The following DLGAP1 variants were observed in gnomAD, a reference collection of about 807,000 sequenced individuals.
DLGAP1 encodes disks large-associated protein 1.
Under a neutral mutation model 90.8 loss-of-function variants are expected in DLGAP1, and 11 were observed. The ratio of observed to expected loss-of-function variants is 0.12; its 90% confidence interval spans 0.08 to 0.20. The LOEUF is 0.20. Among genes scored for constraint, DLGAP1 ranks in the 10% least tolerant of loss-of-function variants. The pLI is 1.00. For missense variants in DLGAP1, 1,050 were observed against 1,333.8 expected, an observed-to-expected ratio of 0.79 and a Z score of 3.31; for synonymous variants, 558 against 540.7, an observed-to-expected ratio of 1.03 and a Z score of -0.44.
chr18:3,674,296 A>AAAAATATATATATATATATAT (rs755076240), intron 7 of DLGAP1, among the ~76,000 whole-genome samples: 45 of 128,978 alleles, frequency 3.5e-4, no homozygotes, highest in African/African-American at 1.5e-3. Context: ...ATAATATTAA[A>AAAAATATATATATATATATAT]ATATATATAT....
At chr18:4,346,888 A>C (rs1313533331) in intron 1 of DLGAP1, among the ~76,000 whole-genome samples, 1 of 152,180 alleles carries the variant, frequency 6.6e-6, no homozygotes, top group Non-Finnish European at 1.5e-5. Context: ...GAGAATCAGA[A>C]AACAGTAACT....
intron 7 of DLGAP1, among the ~76,000 whole-genome samples, chr18:3,713,617 A>C (rs1421386157): frequency 6.6e-6 from 1 of 152,222 alleles, no homozygotes; most frequent in Non-Finnish European, 1.5e-5. Context: ...ACATTGATGA[A>C]TTATGCCTTT....
At chr18:4,181,450 C>T (rs1024814370) in intron 1 of DLGAP1, among the ~76,000 whole-genome samples, 1 of 152,038 alleles carries the variant, frequency 6.6e-6, no homozygotes, top group African/African-American at 2.4e-5. Context: ...ATATATACTG[C>T]GGCAGTATAA....
intron 4 of DLGAP1, among the ~76,000 whole-genome samples, chr18:3,844,765 A>G (rs536641087): frequency 6.6e-6 from 1 of 152,326 alleles, no homozygotes; most frequent in South Asian, 2.1e-4. Flanking sequence ...CTCTAGAATA[A>G]CATGTACTTA....
rs1005867789 is a variant in DLGAP1, at chr18:3,580,126, A to G, written c.1965+1749T>C. 6 of 1,102,700 alleles carry G rather than the reference A, an allele frequency of 5.4e-6. No individual in the cohort carries two copies. In the African/African-American group the frequency reaches 9.2e-5, roughly 17 times the overall value. 68.3% of individuals were successfully genotyped at this position (1,102,700 alleles called of 1,614,324 possible). On this transcript the variant is annotated intron_variant, in intron 8 of 12. Transcript: ENST00000315677. ...GAGTCACACATTCAATTTAGAGAAC[A>G]AAAATAATAGCTGCTAATAATGTCT... is the stretch of plus-strand genomic sequence containing the variant.
In DLGAP1 at chr18:3,990,598, C is replaced by T. The variant is rs376038030; in HGVS notation, c.-73+14518G>A. 3.5e-4 allele frequency among the ~76,000 whole-genome samples: 52 copies of T among 148,890 alleles called. No individual in the cohort carries two copies. In the East Asian group the frequency reaches 6.9e-3, roughly 20 times the overall value. ...TGTATACATATGTAACAAACCTGCACGTTGTGCACATGTACCCTAAAACTT... is the reference window on the plus strand; with the variant it reads ...TGTATACATATGTAACAAACCTGCATGTTGTGCACATGTACCCTAAAACTT... On this transcript the variant is annotated intron_variant, in intron 3 of 12. Coordinates refer to ENST00000315677, the MANE Select transcript of DLGAP1 (RefSeq NM_004746.4).
chr18:4,196,434 A>G (rs1393031187), intron 1 of DLGAP1, among the ~76,000 whole-genome samples: 1 of 152,244 alleles, frequency 6.6e-6, no homozygotes, highest in Non-Finnish European at 1.5e-5. Flanking sequence ...AGTTTCACAC[A>G]GTATTCATGT....
intron 1 of DLGAP1, among the ~76,000 whole-genome samples, chr18:4,194,164 T>A (rs1466264358): frequency 6.6e-6 from 1 of 152,074 alleles, no homozygotes; most frequent in Non-Finnish European, 1.5e-5. Context: ...CCCATTCCCT[T>A]CCGCACCAGT....
At chr18:3,509,560 T>A (rs996198617) in intron 10 of DLGAP1, among the ~76,000 whole-genome samples, 2 of 152,128 alleles carry the variant, frequency 1.3e-5, no homozygotes, top group African/African-American at 4.8e-5. Flanking sequence ...CTTAACATGC[T>A]CTCATGGTCG....
intron 9 of DLGAP1, among the ~76,000 whole-genome samples, chr18:3,567,073 AT>A (rs2054475999): frequency 6.8e-6 from 1 of 147,826 alleles, no homozygotes; most frequent in African/African-American, 2.5e-5. Context: ...TTCATTCATC[AT>A]TCATTCATTC....
chr18:3,651,014 C>T (rs543202206), intron 7 of DLGAP1, among the ~76,000 whole-genome samples: 12 of 150,960 alleles, frequency 7.9e-5, no homozygotes, highest in Non-Finnish European at 1.3e-4. Flanking sequence ...TGCAGTGAGC[C>T]GAGATCACAC....
chr18:4,020,314 C>T (rs757339574), intron 2 of DLGAP1, among the ~76,000 whole-genome samples: 25 of 152,068 alleles, frequency 1.6e-4, no homozygotes, highest in Non-Finnish European at 3.1e-4. Flanking sequence ...TTGTGAGGGG[C>T]CTTTGAATTT....
chr18:3,870,932 T>C (rs1331801869), intron 4 of DLGAP1, among the ~76,000 whole-genome samples: 1 of 152,242 alleles, frequency 6.6e-6, no homozygotes, highest in Non-Finnish European at 1.5e-5. Context: ...GAAGTTAAAA[T>C]AAATAATTGC....
At chr18:4,376,835 G>A (rs2082024394) in intron 1 of DLGAP1, among the ~76,000 whole-genome samples, 1 of 152,140 alleles carries the variant, frequency 6.6e-6, no homozygotes, top group Non-Finnish European at 1.5e-5. Context: ...GTTTTCAGGT[G>A]TTCGAACTTG....
At chr18:3,947,088 C>T (rs761597695) in intron 3 of DLGAP1, among the ~76,000 whole-genome samples, 20 of 152,158 alleles carry the variant, frequency 1.3e-4, no homozygotes, top group Non-Finnish European at 2.6e-4. Context: ...CCACTCCCTG[C>T]AATCCCTAAA....
intron 7 of DLGAP1, among the ~76,000 whole-genome samples, chr18:3,724,911 A>AAAAAAAACCCAACCAAAC (rs1568019074): frequency 6.6e-6 from 1 of 151,952 alleles, no homozygotes; most frequent in African/African-American, 2.4e-5. Flanking sequence ...TCTCAAAAAA[A>AAAAAAAACCCAACCAAAC]AAAAAAACCC....
rs767718138 is a variant in DLGAP1 at position 3,604,877 on chromosome 18, CTTG to C, written c.1592-22632_1592-22630del. On this transcript the variant is annotated intron_variant, in intron 7 of 12. Transcript: ENST00000315677. Reference sequence around the variant, plus strand: ...TACATCCTGTGTAGAAAAAGTAAGTCTTGTTGTGAAACCTCTTTCAGTTTGTGT... The same window carrying C: ...TACATCCTGTGTAGAAAAAGTAAGTCTTGTGAAACCTCTTTCAGTTTGTGT... Among the ~76,000 whole-genome samples the C allele has an allele frequency of 1.2e-3, 182 of 152,268 alleles. 1 individual carries two copies. The Middle Eastern group carries it at 0.014, about 11-fold the overall frequency.
At chr18:4,073,685 A>G (rs2075483344) in intron 2 of DLGAP1, among the ~76,000 whole-genome samples, 1 of 152,162 alleles carries the variant, frequency 6.6e-6, no homozygotes. Context: ...TTAATTTCCA[A>G]TGAATGTTTT....
At chr18:3,998,185 T>A (rs1262245848) in intron 3 of DLGAP1, among the ~76,000 whole-genome samples, 1 of 152,226 alleles carries the variant, frequency 6.6e-6, no homozygotes, top group East Asian at 1.9e-4. Context: ...GGAGTACTTT[T>A]ATCAAGAGAA....
Sources: gnomAD v4.1 joint callset for allele counts (sites outside exome capture counted in the v4.1 genomes callset) on GRCh38, gnomAD v4.1.1 for gene constraint, MANE v1.5 for transcripts, NCBI Gene and HGNC (gene_info 2026-07-23, HGNC 2026-07-21) for gene names.